Variants in FHOD3 observed in about 807,000 individuals in gnomAD.
FHOD3 encodes formin homology 2 domain containing 3.
Under a neutral mutation model 173.0 loss-of-function variants are expected in FHOD3, and 90 were observed. That is an observed-to-expected ratio of 0.52 (90% CI 0.44 to 0.62). The LOEUF (loss-of-function observed/expected upper bound fraction) is 0.62. FHOD3 is among the 20% of genes least tolerant of loss of function. FHOD3 has a pLI of 0.00. For synonymous variants in FHOD3, 828 were observed against 823.0 expected, an observed-to-expected ratio of 1.01 and a Z score of -0.10; for missense variants, 1,945 against 2,034.7, an observed-to-expected ratio of 0.96 and a Z score of 0.85.
chr18:36,318,241 G>GT (rs145219727), intron 1 of FHOD3, among the ~76,000 whole-genome samples: 35,956 of 152,002 alleles, frequency 0.24, 8,135 homozygotes, highest in African/African-American at 0.6. Context: ...ATTTAAAGTA[G>GT]TTTTTTCCCA....
At chr18:36,441,756 C>T (rs1273643001) in intron 3 of FHOD3, among the ~76,000 whole-genome samples, 3 of 152,238 alleles carry the variant, frequency 2.0e-5, no homozygotes, top group Non-Finnish European at 4.4e-5. Context: ...ATCTCTTCAT[C>T]ACATTTTAGA....
chr18:36,403,888 T>G (rs1057085754), intron 3 of FHOD3, among the ~76,000 whole-genome samples: 1 of 152,202 alleles, frequency 6.6e-6, no homozygotes, highest in Non-Finnish European at 1.5e-5. Context: ...TCCTACCAGG[T>G]GACCAGGGCT....
At chr18:36,673,881 A>G (rs997682832) in intron 14 of FHOD3, among the ~76,000 whole-genome samples, 8 of 152,174 alleles carry the variant, frequency 5.3e-5, no homozygotes, top group Admixed American at 5.2e-4. Flanking sequence ...TATGAGGGAT[A>G]TGTATATCCC....
intron 3 of FHOD3, among the ~76,000 whole-genome samples, chr18:36,435,284 C>T (rs553801205): frequency 6.6e-6 from 1 of 152,112 alleles, no homozygotes; most frequent in South Asian, 2.1e-4. Flanking sequence ...GCTAAAACCA[C>T]TGTGTATGTT....
chr18:36,595,991 A>C (rs1248582527), intron 7 of FHOD3, among the ~76,000 whole-genome samples: 1 of 152,232 alleles, frequency 6.6e-6, no homozygotes, highest in Non-Finnish European at 1.5e-5. Flanking sequence ...TAGTTTCAAC[A>C]AAGATAATCA....
intron 1 of FHOD3, among the ~76,000 whole-genome samples, chr18:36,339,284 C>T (rs2045489048): frequency 6.6e-6 from 1 of 151,998 alleles, no homozygotes; most frequent in Non-Finnish European, 1.5e-5. Flanking sequence ...CCCCACCATC[C>T]AGGAATGCAA....
intron 3 of FHOD3, among the ~76,000 whole-genome samples, chr18:36,380,662 T>A (rs1019949033): frequency 1.4e-5 from 2 of 143,804 alleles, no homozygotes; most frequent in Non-Finnish European, 3.0e-5. Context: ...CTTTCTTTCT[T>A]TTCAGAGTCA....
chr18:36,709,562 C>A, intron 18 of FHOD3, 171 bp downstream of exon 18: 1 of 679,540 alleles, frequency 1.5e-6, no homozygotes, highest in Non-Finnish European at 2.4e-6. Context: ...ACGCTGGCAG[C>A]CAGCCAGCAG....
chr18:36,456,636 G>A (rs904790630), intron 3 of FHOD3, among the ~76,000 whole-genome samples: 2 of 152,066 alleles, frequency 1.3e-5, no homozygotes, highest in African/African-American at 4.8e-5. Flanking sequence ...GGAAGGAGGA[G>A]TTCCAGCCTG....
At chr18:36,501,552 T>C (rs949989867) in intron 3 of FHOD3, among the ~76,000 whole-genome samples, 4 of 152,170 alleles carry the variant, frequency 2.6e-5, no homozygotes, top group African/African-American at 9.7e-5. Flanking sequence ...GGAAATAGTT[T>C]ATAAACTGGA....
intron 5 of FHOD3, among the ~76,000 whole-genome samples, chr18:36,536,938 T>C (rs2057018936): frequency 6.6e-6 from 1 of 152,158 alleles, no homozygotes; most frequent in Non-Finnish European, 1.5e-5. Flanking sequence ...AAAACAAAGG[T>C]AGAGAAAAAT....
intron 1 of FHOD3, among the ~76,000 whole-genome samples, chr18:36,318,121 C>T (rs1351696823): frequency 6.8e-6 from 1 of 147,864 alleles, no homozygotes; most frequent in East Asian, 1.9e-4. Context: ...GTTTTGGTTA[C>T]TATAGCCTTG....
rs1214424374 is a variant in FHOD3 at position 36,604,225 on chromosome 18, A to G, written c.813+1457A>G. Among the ~76,000 whole-genome samples the G allele has an allele frequency of 2.0e-5, 3 of 152,302 alleles. No homozygotes were observed. The South Asian group carries it at 6.2e-4, about 32-fold the overall frequency. ...TTCCTTGTACTCTCCTTACACGCTC[A>G]TGCTGGGTGTGAGCCTGCAGGACCA... On this transcript the variant is annotated intron_variant, in intron 8 of 28. Coordinates refer to ENST00000590592, the MANE Select transcript of FHOD3 (RefSeq NM_001281740.3).
At chr18:36,345,124 A>C (rs1204368743) in intron 1 of FHOD3, among the ~76,000 whole-genome samples, 1 of 152,240 alleles carries the variant, frequency 6.6e-6, no homozygotes, top group African/African-American at 2.4e-5. Context: ...CAAACACTGC[A>C]ACTGTTAGGA....
At chr18:36,678,524 C>CAAAAAAAA (rs58064190) in intron 14 of FHOD3, among the ~76,000 whole-genome samples, 13 of 71,154 alleles carry the variant, frequency 1.8e-4, no homozygotes, top group Non-Finnish European at 2.1e-4. Context: ...GACCCTGTCT[C>CAAAAAAAA]AAAAAAAAAA....
rs144590628 is a variant in FHOD3, at chr18:36,657,103, G to A, written c.1722-972G>A. ...AAGGGATTCCAATTTCTGTTGATGG[G>A]CGTTTGGACTGGATTCTCCATGTGC... On this transcript the variant is annotated intron_variant, in intron 13 of 28. Coordinates refer to ENST00000590592, the MANE Select transcript of FHOD3 (RefSeq NM_001281740.3). Among the ~76,000 whole-genome samples the A allele has an allele frequency of 5.3e-3, 800 of 152,258 alleles. 7 individuals carry two copies. Among genetic ancestry groups the A allele is most frequent in the African/African-American group, 0.017 (726 of 41,542 alleles).
At chr18:36,595,004 C>T (rs1415063278) in intron 7 of FHOD3, 106 bp downstream of exon 7, 32 of 686,966 alleles carry the variant, frequency 4.7e-5, no homozygotes, top group Admixed American at 3.1e-4. Flanking sequence ...ATAGAATTCC[C>T]GAGATGTGGA....
At chr18:36,762,842 A>G (rs2042940266) in intron 27 of FHOD3, among the ~76,000 whole-genome samples, 1 of 147,974 alleles carries the variant, frequency 6.8e-6, no homozygotes, top group South Asian at 2.1e-4. Context: ...TATTATAAAT[A>G]TATAATCATA....
At chr18:36,679,615 T>G (rs2038100029) in intron 14 of FHOD3, among the ~76,000 whole-genome samples, 1 of 152,210 alleles carries the variant, frequency 6.6e-6, no homozygotes, top group African/African-American at 2.4e-5. Flanking sequence ...TTTAAATGTA[T>G]TCTAATTGTC....
Sources: gnomAD v4.1 joint callset for allele counts (sites outside exome capture counted in the v4.1 genomes callset) on GRCh38, gnomAD v4.1.1 for gene constraint, MANE v1.5 for transcripts, NCBI Gene and HGNC (gene_info 2026-07-23, HGNC 2026-07-21) for gene names.